Variants in PPP4R4 observed in about 807,000 individuals in gnomAD.
The protein encoded by PPP4R4 is protein phosphatase 4 regulatory subunit 4.
In PPP4R4, 70 loss-of-function variants were observed where a neutral mutation model predicts 121.8. That is an observed-to-expected ratio of 0.57 (90% CI 0.47 to 0.70). The LOEUF (loss-of-function observed/expected upper bound fraction) is 0.70, where lower values mean the gene tolerates loss of function less well. PPP4R4 is among the 30% of genes least tolerant of loss of function. The pLI is 0.00. For synonymous variants in PPP4R4, 348 were observed against 355.7 expected (o/e 0.98, Z 0.24); for missense variants, 875 against 1,033.6 (o/e 0.85, Z 2.10).
At chr14:94,179,061 G>T (rs986059281) in intron 2 of PPP4R4, among the ~76,000 whole-genome samples, 1 of 152,148 alleles carries the variant, frequency 6.6e-6, no homozygotes, top group Non-Finnish European at 1.5e-5. Context: ...TTTAAAAATG[G>T]CTTTACTGAG....
intron 22 of PPP4R4, 34 bp from the exon 23 acceptor site, chr14:94,266,925 T>TTCTTACTAAATCATG (rs1894082209): frequency 1.4e-6 from 2 of 1,389,296 alleles, no homozygotes; most frequent in East Asian, 4.6e-5. Context: ...GAAGTGTGTT[T>TTCTTACTAAATCATG]TTGTATTTTA....
At chr14:94,228,741 G>A (rs948998769) in intron 3 of PPP4R4, among the ~76,000 whole-genome samples, 2 of 152,132 alleles carry the variant, frequency 1.3e-5, no homozygotes, top group Admixed American at 1.3e-4. Context: ...TTAGTCACCC[G>A]GCAGCTGCTT....
At position 94,218,440 on chromosome 14, in the gene PPP4R4, A is replaced by G. The variant is rs557731679; in HGVS notation, c.294+9874A>G. Reference sequence around the variant, plus strand: ...AGACACCGCACGCGCGCGCACACACACACACCCTCACCCCTAGACACCGCA... The same window carrying G: ...AGACACCGCACGCGCGCGCACACACGCACACCCTCACCCCTAGACACCGCA... On this transcript the variant is annotated intron_variant, in intron 3 of 24. Transcript: ENST00000304338. Among the ~76,000 whole-genome samples the G allele has an allele frequency of 2.5e-4, 30 of 121,084 alleles. No homozygotes were observed. The South Asian group carries it at 8.7e-3, about 35-fold the overall frequency. The allele number at this position is 121,084 out of a possible 152,430, so 79.4% of individuals were successfully genotyped here. A position where few individuals can be genotyped will look rare whatever the true frequency, so the allele number is the denominator to read the frequency against.
rs1566690840 is a variant in PPP4R4 at position 94,251,729 on chromosome 14, A to T, written c.1718-20A>T. 6.6e-7 allele frequency: 1 copy of T among 1,507,618 alleles called. No homozygotes were observed. 93.4% of individuals were successfully genotyped at this position (1,507,618 alleles called of 1,614,324 possible). On this transcript the variant is annotated intron_variant, in intron 15 of 24. Transcript: ENST00000304338. The stretch of plus-strand genomic sequence containing the variant: ...ATATAGGAAAAATTAACTTAAGATA[A>T]TTTTTGTTGTTGTTTCTAGAATTGG...
intron 7 of PPP4R4, 125 bp from the exon 8 acceptor site, chr14:94,237,440 G>A (rs1892401256): frequency 6.2e-6 from 5 of 809,006 alleles, no homozygotes; most frequent in Non-Finnish European, 7.6e-6. Context: ...CTTCTGGAGA[G>A]CAGGAACAGT....
intron 2 of PPP4R4, among the ~76,000 whole-genome samples, chr14:94,203,822 C>T (rs948264289): frequency 6.6e-6 from 1 of 152,134 alleles, no homozygotes; most frequent in Non-Finnish European, 1.5e-5. Flanking sequence ...GGCTTATTTG[C>T]AATCTGTATA....
Position 94,265,464 on chromosome 14 carries a change from C to T in PPP4R4, c.2275C>T (p.Pro759Ser), listed in dbSNP as rs1893997986. The change falls in exon 21 of 25, where the codon CCA becomes TCA. Residue 759 changes from proline to serine, a missense_variant. Coordinates refer to ENST00000304338, the MANE Select transcript of PPP4R4 (RefSeq NM_058237.2). Reference protein sequence around the residue: ...ISVPGPSSVTPSTSKEIKKSK... With the variant: ...ISVPGPSSVTSSTSKEIKKSK... ...TGTTCCTGGACCCTCTTCTGTCACC[C>T]CATCGACAAGTAAGAAATAACTTCT... The T allele has an allele frequency of 1.2e-6, 2 of 1,607,260 alleles. No homozygotes were observed. The highest frequency in any genetic ancestry group is 1.1e-5 in the South Asian group (1 of 90,830).
chr14:94,228,022 TTCTC>T (rs1323254489), intron 3 of PPP4R4, among the ~76,000 whole-genome samples: 1 of 152,182 alleles, frequency 6.6e-6, no homozygotes, highest in Non-Finnish European at 1.5e-5. Context: ...CTTTCCCTCT[TTCTC>T]TCAGCCAAGA....
intron 23 of PPP4R4, among the ~76,000 whole-genome samples, chr14:94,269,664 AAAAAAC>A (rs1265717592): frequency 7.9e-5 from 12 of 151,818 alleles, no homozygotes; most frequent in East Asian, 3.9e-4. Context: ...CCAGAAAAAA[AAAAAAC>A]AAAAACAAAA....
At chr14:94,197,368 G>T (rs763948008) in intron 2 of PPP4R4, among the ~76,000 whole-genome samples, 6 of 151,982 alleles carry the variant, frequency 3.9e-5, no homozygotes, top group African/African-American at 4.8e-5. Context: ...ATCTTATCAC[G>T]TAGTTATGGT....
intron 23 of PPP4R4, among the ~76,000 whole-genome samples, chr14:94,272,719 C>G (rs1894401764): frequency 6.6e-6 from 1 of 152,078 alleles, no homozygotes; most frequent in Admixed American, 6.5e-5. Flanking sequence ...AAGCCACTGA[C>G]TGGGAGAAAA....
chr14:94,265,974 C>A, intron 22 of PPP4R4, 87 bp downstream of exon 22: 1 of 952,456 alleles, frequency 1.0e-6, no homozygotes, highest in African/African-American at 1.7e-5. Context: ...TTATAAAAAT[C>A]AGAATTAATT....
intron 5 of PPP4R4, among the ~76,000 whole-genome samples, chr14:94,232,837 T>A (rs1187173078): frequency 6.6e-6 from 1 of 152,078 alleles, no homozygotes; most frequent in Non-Finnish European, 1.5e-5. Flanking sequence ...GGCGGGCGGA[T>A]CATGAGGTCA....
At chr14:94,270,610 TG>T (rs1446488841) in intron 23 of PPP4R4, among the ~76,000 whole-genome samples, 1 of 152,130 alleles carries the variant, frequency 6.6e-6, no homozygotes, top group Non-Finnish European at 1.5e-5. Context: ...TGGTGCTGGA[TG>T]GACCAATTCC....
chr14:94,247,757 CA>C (rs1270388478), intron 14 of PPP4R4, among the ~76,000 whole-genome samples: 1 of 152,188 alleles, frequency 6.6e-6, no homozygotes, highest in Non-Finnish European at 1.5e-5. Context: ...GTTAGTTCAA[CA>C]TAAGCAAATC....
Position 94,174,426 on chromosome 14 carries a change from G to T in PPP4R4, c.-40G>T, listed in dbSNP as rs1408453561. ...GGGGCTGAGGGCGTCCGGCATCCCG[G>T]GGCCGCTCCGGCCCGGGCGGCGAGA... On this transcript the variant is annotated 5_prime_UTR_variant, in exon 1 of 25. Coordinates refer to ENST00000304338, the MANE Select transcript of PPP4R4 (RefSeq NM_058237.2). The T allele has an allele frequency of 1.3e-6, 2 of 1,499,470 alleles. No individual in the cohort carries two copies. The highest frequency in any genetic ancestry group is 2.2e-5 in the Admixed American group (1 of 44,596). The allele number at this position is 1,499,470 out of a possible 1,614,324, so 92.9% of individuals were successfully genotyped here. A position where few individuals can be genotyped will look rare whatever the true frequency, so the allele number is the denominator to read the frequency against.
In PPP4R4 at chr14:94,271,336, C is replaced by T. The variant is rs1288077921; in HGVS notation, c.2450-4038C>T. The stretch of plus-strand genomic sequence containing the variant: ...CACCAAAACTGAGTAGGATTTATAA[C>T]AGTTATAGAAGACTAATTCACCATT... On this transcript the variant is annotated intron_variant, in intron 23 of 24. Coordinates refer to ENST00000304338, the MANE Select transcript of PPP4R4 (RefSeq NM_058237.2). 3.9e-5 allele frequency among the ~76,000 whole-genome samples: 6 copies of T among 152,252 alleles called. No individual in the cohort carries two copies. The East Asian group carries it at 7.7e-4, about 20-fold the overall frequency.
chr14:94,225,065 A>G (rs1472362874), intron 3 of PPP4R4, among the ~76,000 whole-genome samples: 1 of 152,106 alleles, frequency 6.6e-6, no homozygotes, highest in East Asian at 1.9e-4. Context: ...GTGCACAGAG[A>G]ACCTATGCAG....
chr14:94,197,089 T>G (rs1889913929), intron 2 of PPP4R4, among the ~76,000 whole-genome samples: 1 of 152,208 alleles, frequency 6.6e-6, no homozygotes. Flanking sequence ...TACCTTACTT[T>G]GTGAGGTTTC....
Sources: allele counts gnomAD v4.1 joint callset (sites outside exome capture counted in the v4.1 genomes callset), GRCh38; gene constraint gnomAD v4.1.1; transcripts MANE v1.5; gene names NCBI Gene and HGNC (gene_info 2026-07-23, HGNC 2026-07-21).